The following DTD1 variants were observed in gnomAD, a reference collection of about 807,000 sequenced individuals.
DTD1 encodes D-aminoacyl-tRNA deacylase 1.
DTD1 carries 13 observed loss-of-function variants against 25.6 expected under a neutral mutation model. The ratio of observed to expected loss-of-function variants is 0.51; its 90% CI spans 0.33 to 0.81. The LOEUF is 0.81. Among genes scored for constraint, DTD1 ranks in the 30% least tolerant of loss-of-function variants. The pLI is 0.02. For missense variants in DTD1, 193 were observed against 266.4 expected (o/e 0.72, Z 1.92); for synonymous variants, 110 against 103.6 (o/e 1.06, Z -0.37).
intron 4 of DTD1, 122 bp from the exon 5 acceptor site, chr20:18,743,978 C>A: frequency 9.9e-7 from 1 of 1,013,738 alleles, no homozygotes; most frequent in Non-Finnish European, 1.4e-6. Context: ...AACCACTGTG[C>A]TCTGCCAGGT....
intron 4 of DTD1, among the ~76,000 whole-genome samples, chr20:18,630,109 A>G (rs1471048949): frequency 7.9e-6 from 1 of 126,606 alleles, no homozygotes; most frequent in Non-Finnish European, 1.7e-5. Context: ...GGGTCTTGGA[A>G]TGACTAATGA....
At chr20:18,612,286 G>A (rs1458262440) in intron 3 of DTD1, among the ~76,000 whole-genome samples, 2 of 151,810 alleles carry the variant, frequency 1.3e-5, no homozygotes, top group African/African-American at 2.4e-5. Flanking sequence ...CGCCCGCCTC[G>A]GCCTCCCAAA....
Position 18,736,851 on chromosome 20 carries a change from C to G in DTD1, c.478-7249C>G, listed in dbSNP as rs1281141173. ...CCTCTGTGCCCTCTGAGGCTATTGC[C>G]TGGCCTGATCTTGCAAACAAAACCT... On this transcript the variant is annotated intron_variant, in intron 4 of 5. Transcript: ENST00000377452. 4.6e-5 allele frequency among the ~76,000 whole-genome samples: 7 copies of G among 152,098 alleles called. No individual in the cohort carries two copies. The Admixed American group carries it at 4.6e-4, about 10-fold the overall frequency.
intron 4 of DTD1, among the ~76,000 whole-genome samples, chr20:18,678,592 C>T (rs1263730000): frequency 6.6e-6 from 1 of 152,140 alleles, no homozygotes; most frequent in Non-Finnish European, 1.5e-5. Context: ...ATCAGAAATA[C>T]ACTTTTAGGA....
rs55689427 is a variant in DTD1 at position 18,638,170 on chromosome 20, CCCATCCATCCATCCAT to C, written c.477+9967_477+9982del. ...ATCCACCCATATGTCCCTCCATCTGCCCATCCATCCATCCATCCATCCATCCATCCATCCATCCATC... is the reference window on the plus strand; with the variant it reads ...ATCCACCCATATGTCCCTCCATCTGCCCATCCATCCATCCATCCATCCATC... On this transcript the variant is annotated intron_variant, in intron 4 of 5. Coordinates refer to ENST00000377452, the MANE Select transcript of DTD1 (RefSeq NM_080820.6). 8.3e-3 allele frequency among the ~76,000 whole-genome samples: 1,256 copies of C among 150,558 alleles called. 7 individuals are homozygous for C. Among genetic ancestry groups the C allele is most frequent in the African/African-American group, 0.015 (620 of 40,894 alleles).
intron 4 of DTD1, among the ~76,000 whole-genome samples, chr20:18,683,792 C>T (rs570212671): frequency 1.3e-5 from 2 of 152,324 alleles, no homozygotes; most frequent in South Asian, 2.1e-4. Context: ...CTCCAGAATT[C>T]GAGCAAGCTG....
chr20:18,616,375 C>T (rs1034170378), intron 3 of DTD1, among the ~76,000 whole-genome samples: 9 of 152,252 alleles, frequency 5.9e-5, no homozygotes, highest in South Asian at 4.1e-4. Flanking sequence ...TATCTACTTT[C>T]GTTATTAAAC....
At chr20:18,640,089 C>T (rs183591742) in intron 4 of DTD1, among the ~76,000 whole-genome samples, 1 of 150,344 alleles carries the variant, frequency 6.7e-6, no homozygotes, top group African/African-American at 2.4e-5. Context: ...GTCCCTTTGC[C>T]CCCCTTCATT....
chr20:18,640,496 G>A (rs1036932209), intron 4 of DTD1, among the ~76,000 whole-genome samples: 1 of 151,936 alleles, frequency 6.6e-6, no homozygotes, highest in Admixed American at 6.6e-5. Context: ...GTATCTCTGG[G>A]TGGGTATATG....
rs139456101 is a variant in DTD1, at chr20:18,747,144, A to C, written c.*19+2873A>C. ...TAATCCAAAGAGGTGAAATGTGCTA[A>C]GTGAAGACAGGGCACAGAGTGGCCC... On this transcript the variant is annotated intron_variant, in intron 5 of 5. Transcript: ENST00000377452. Among the ~76,000 whole-genome samples, 523 of 152,342 alleles carry C rather than the reference A, an allele frequency of 3.4e-3. 2 individuals are homozygous for C. Among genetic ancestry groups the C allele is most frequent in the Non-Finnish European group, 5.5e-3 (372 of 68,036 alleles).
chr20:18,636,842 T>C (rs942299593), intron 4 of DTD1, among the ~76,000 whole-genome samples: 3 of 152,184 alleles, frequency 2.0e-5, no homozygotes, highest in African/African-American at 7.2e-5. Flanking sequence ...TCTATCAAAG[T>C]TATCCAGGGG....
chr20:18,627,705 G>T (rs938541037), intron 3 of DTD1, among the ~76,000 whole-genome samples: 9 of 152,122 alleles, frequency 5.9e-5, no homozygotes, highest in African/African-American at 1.7e-4. Flanking sequence ...TGGTTTGGCT[G>T]TGCCCCACCC....
At chr20:18,755,023 C>A (rs548549837) in intron 5 of DTD1, among the ~76,000 whole-genome samples, 1 of 152,300 alleles carries the variant, frequency 6.6e-6, no homozygotes, top group South Asian at 2.1e-4. Context: ...TTATAAAGTT[C>A]TTATGCCTAG....
chr20:18,608,873 C>T (rs1014498219), intron 3 of DTD1, among the ~76,000 whole-genome samples: 2 of 152,210 alleles, frequency 1.3e-5, no homozygotes, highest in East Asian at 1.9e-4. Flanking sequence ...ACTTTAAGGG[C>T]GTCATTCATT....
intron 3 of DTD1, chr20:18,611,014 A>T (rs953315063): frequency 6.7e-6 from 1 of 150,190 alleles, no homozygotes; most frequent in Non-Finnish European, 1.5e-5. Context: ...AATGTTGGTT[A>T]TAGATTTACT....
intron 4 of DTD1, among the ~76,000 whole-genome samples, chr20:18,663,042 C>T (rs2060917482): frequency 6.6e-6 from 1 of 152,090 alleles, no homozygotes; most frequent in Non-Finnish European, 1.5e-5. Flanking sequence ...GTGGTCTTAT[C>T]CTCTCACTTC....
intron 4 of DTD1, among the ~76,000 whole-genome samples, chr20:18,646,578 T>C (rs2060851269): frequency 6.6e-6 from 1 of 152,126 alleles, no homozygotes; most frequent in South Asian, 2.1e-4. Context: ...CTAAGTGACT[T>C]TGGTCACATC....
chr20:18,607,787 C>T (rs1367721958), intron 3 of DTD1, among the ~76,000 whole-genome samples: 1 of 151,892 alleles, frequency 6.6e-6, no homozygotes, highest in Admixed American at 6.6e-5. Flanking sequence ...GATCTCAGCT[C>T]ACTGCACCCT....
intron 4 of DTD1, among the ~76,000 whole-genome samples, chr20:18,707,115 T>C (rs901436717): frequency 6.6e-6 from 1 of 152,240 alleles, no homozygotes; most frequent in African/African-American, 2.4e-5. Context: ...GTTCATCACC[T>C]GTAAGCAGTT....
Sources: gnomAD v4.1 joint callset for allele counts (sites outside exome capture counted in the v4.1 genomes callset) on GRCh38, gnomAD v4.1.1 for gene constraint, MANE v1.5 for transcripts, NCBI Gene and HGNC (gene_info 2026-07-23, HGNC 2026-07-21) for gene names.